MBNL1: variants seen among roughly 807,000 people sequenced by gnomAD.
MBNL1 encodes muscleblind-like protein 1.
MBNL1 carries 8 observed loss-of-function variants against 42.2 expected under a neutral mutation model. That is an observed-to-expected ratio of 0.19 (90% CI 0.11 to 0.34). The LOEUF (loss-of-function observed/expected upper bound fraction) is 0.34, where lower values mean the gene tolerates loss of function less well. MBNL1 is among the 10% of genes least tolerant of loss of function. The pLI, the probability that MBNL1 is intolerant of heterozygous loss-of-function variation, is 1.00. For synonymous variants in MBNL1, 169 were observed against 173.9 expected (o/e 0.97, Z 0.22); for missense variants, 309 against 495.3 (o/e 0.62, Z 3.57).
intron 2 of MBNL1, among the ~76,000 whole-genome samples, chr3:152,374,679 A>C (rs1027516254): frequency 1.3e-5 from 2 of 152,228 alleles, no homozygotes; most frequent in African/African-American, 2.4e-5. Context: ...TTGCCAAACA[A>C]AGTGTTCACT....
chr3:152,383,930 A>G (rs913448457), intron 2 of MBNL1, among the ~76,000 whole-genome samples: 3 of 152,080 alleles, frequency 2.0e-5, no homozygotes, highest in Admixed American at 1.3e-4. Context: ...ACCTAAATAA[A>G]TTCATACCAT....
chr3:152,458,286 A>G, intron 8 of MBNL1: 2 of 1,071,686 alleles, frequency 1.9e-6, no homozygotes, highest in South Asian at 1.3e-5. Flanking sequence ...AACTGGAAAT[A>G]AAACAGGGAC....
chr3:152,257,792 G>A (rs754205029), intron 2 of MBNL1, among the ~76,000 whole-genome samples: 15 of 152,108 alleles, frequency 9.9e-5, no homozygotes, highest in African/African-American at 1.4e-4. Flanking sequence ...CAGCTCTGGC[G>A]GAGTAAAAAA....
At chr3:152,280,023 A>T (rs539044765) in intron 1 of MBNL1, among the ~76,000 whole-genome samples, 5 of 152,130 alleles carry the variant, frequency 3.3e-5, no homozygotes, top group Non-Finnish European at 5.9e-5. Flanking sequence ...TTATGTGATT[A>T]TGTGTTTTTA....
At chr3:152,253,559 T>C (rs2034990165) in intron 2 of MBNL1, among the ~76,000 whole-genome samples, 1 of 152,136 alleles carries the variant, frequency 6.6e-6, no homozygotes, top group East Asian at 1.9e-4. Flanking sequence ...TGCTTCTTAT[T>C]TTAATTAGGA....
intron 2 of MBNL1, among the ~76,000 whole-genome samples, chr3:152,389,338 C>G (rs1437599911): frequency 7.2e-5 from 11 of 152,202 alleles, no homozygotes; most frequent in Admixed American, 7.2e-4. Context: ...ATCCACCCAC[C>G]TCAGCCTCCC....
At chr3:152,446,568 T>G (rs1261478609) in intron 5 of MBNL1, 4 of 645,976 alleles carry the variant, frequency 6.2e-6, no homozygotes, top group African/African-American at 5.5e-5. Flanking sequence ...CGATGATTTG[T>G]TTTTTTATTT....
chr3:152,352,976 T>A (rs1302626088), intron 2 of MBNL1, among the ~76,000 whole-genome samples: 2 of 152,232 alleles, frequency 1.3e-5, no homozygotes, highest in Admixed American at 6.5e-5. Context: ...CTTGTTTAAG[T>A]CTATTTTATG....
chr3:152,261,343 T>TA (rs763888394), intron 2 of MBNL1, among the ~76,000 whole-genome samples: 4 of 152,096 alleles, frequency 2.6e-5, no homozygotes, highest in Non-Finnish European at 4.4e-5. Context: ...TGTGTGACCT[T>TA]AGAGTCCTTA....
At chr3:152,261,253 G>T (rs1262615182) in intron 2 of MBNL1, among the ~76,000 whole-genome samples, 3 of 152,106 alleles carry the variant, frequency 2.0e-5, no homozygotes, top group African/African-American at 7.2e-5. Flanking sequence ...AAGAACCACC[G>T]CCCTAGTTTC....
At chr3:152,407,043 G>C (rs1579732104) in intron 2 of MBNL1, among the ~76,000 whole-genome samples, 1 of 148,348 alleles carries the variant, frequency 6.7e-6, no homozygotes, top group South Asian at 2.2e-4. Context: ...TAATTGTTAA[G>C]CCACTGTGTG....
intron 4 of MBNL1, among the ~76,000 whole-genome samples, chr3:152,435,707 C>T (rs1167628877): frequency 6.6e-6 from 1 of 152,040 alleles, no homozygotes; most frequent in African/African-American, 2.4e-5. Flanking sequence ...ATGTGTCATC[C>T]ATGATTTCTT....
At chr3:152,302,638 G>A (rs1242982482) in intron 2 of MBNL1, among the ~76,000 whole-genome samples, 1 of 152,114 alleles carries the variant, frequency 6.6e-6, no homozygotes, top group African/African-American at 2.4e-5. Flanking sequence ...TAAAGTAACT[G>A]TATGACTCAT....
chr3:152,373,974 T>C (rs1228069704), intron 2 of MBNL1, among the ~76,000 whole-genome samples: 1 of 152,216 alleles, frequency 6.6e-6, no homozygotes, highest in African/African-American at 2.4e-5. Flanking sequence ...TTCTATCTTC[T>C]CACTTTTTTG....
intron 4 of MBNL1, among the ~76,000 whole-genome samples, chr3:152,436,754 T>C (rs921408917): frequency 6.6e-6 from 1 of 152,232 alleles, no homozygotes; most frequent in Non-Finnish European, 1.5e-5. Context: ...ACTTTTGTCT[T>C]TGAGTTTTTT....
chr3:152,458,315 G>T, intron 8 of MBNL1: 1 of 782,258 alleles, frequency 1.3e-6, no homozygotes, highest in Admixed American at 2.3e-5. Flanking sequence ...ATACACGCCA[G>T]ACTGTGGATT....
chr3:152,258,678 A>C (rs1018937571), intron 2 of MBNL1, among the ~76,000 whole-genome samples: 1 of 152,254 alleles, frequency 6.6e-6, no homozygotes, highest in Non-Finnish European at 1.5e-5. Flanking sequence ...ATAACCCCAA[A>C]GTAGACAGTG....
intron 2 of MBNL1, among the ~76,000 whole-genome samples, chr3:152,345,173 T>C (rs896699851): frequency 4.1e-4 from 62 of 152,118 alleles, no homozygotes; most frequent in Non-Finnish European, 3.1e-4. Flanking sequence ...TATGTTTGGG[T>C]TACTATTGAA....
In MBNL1 at chr3:152,451,562, AT is replaced by A. The variant is rs561059752; in HGVS notation, c.961+3792del. On this transcript the variant is annotated intron_variant, in intron 6 of 9. Transcript: ENST00000324210. ...ATTGTATGCCACATGGTATACCAGT[AT>A]TTATGTGAAGGATTGCAAACTGATA... Among the ~76,000 whole-genome samples, 635 of 152,224 alleles carry A rather than the reference AT, an allele frequency of 4.2e-3. 6 individuals carry two copies. Among genetic ancestry groups the A allele is most frequent in the African/African-American group, 0.014 (586 of 41,526 alleles).
Sources: gnomAD v4.1 joint callset for allele counts (sites outside exome capture counted in the v4.1 genomes callset) on GRCh38, gnomAD v4.1.1 for gene constraint, MANE v1.5 for transcripts, NCBI Gene and HGNC (gene_info 2026-07-23, HGNC 2026-07-21) for gene names.